PAG1: variants seen among roughly 807,000 people sequenced by gnomAD.
PAG1 encodes phosphoprotein associated with glycosphingolipid-enriched microdomains 1.
Under a neutral mutation model 31.7 loss-of-function variants are expected in PAG1, and 23 were observed. The observed-to-expected ratio is 0.73, with a 90% CI of 0.52 to 1.03. PAG1 has a LOEUF of 1.03. Among genes scored for constraint, PAG1 ranks in the 50% least tolerant of loss-of-function variants. The pLI is 0.00. For missense variants in PAG1, 473 were observed against 540.7 expected (o/e 0.87, Z 1.24); for synonymous variants, 214 against 210.3 (o/e 1.02, Z -0.15).
At chr8:81,076,174 C>T (rs1426067912) in intron 1 of PAG1, among the ~76,000 whole-genome samples, 6 of 152,226 alleles carry the variant, frequency 3.9e-5, no homozygotes, top group Admixed American at 3.9e-4. Flanking sequence ...TTTCCCACAC[C>T]AAGGCAGATC....
chr8:81,025,978 G>A (rs1480489010), intron 3 of PAG1, among the ~76,000 whole-genome samples: 1 of 152,154 alleles, frequency 6.6e-6, no homozygotes, highest in African/African-American at 2.4e-5. Flanking sequence ...AGACACCCGT[G>A]TTTAGACGCA....
chr8:81,020,538 G>A (rs570524994), intron 3 of PAG1, among the ~76,000 whole-genome samples: 19 of 152,192 alleles, frequency 1.2e-4, no homozygotes, highest in South Asian at 6.2e-4. Flanking sequence ...CTTGCCTGCC[G>A]CCATGTAAGA....
intron 1 of PAG1, among the ~76,000 whole-genome samples, chr8:81,070,372 G>A (rs2130965666): frequency 6.6e-6 from 1 of 152,212 alleles, no homozygotes; most frequent in East Asian, 1.9e-4. Flanking sequence ...GCTAAAACCT[G>A]CTCTTAAAAC....
chr8:80,994,901 T>C (rs1807639202), intron 3 of PAG1, among the ~76,000 whole-genome samples: 1 of 152,262 alleles, frequency 6.6e-6, no homozygotes, highest in Non-Finnish European at 1.5e-5. Context: ...TTTGGTTTTT[T>C]GATAATAGTG....
rs374172092 is a variant in PAG1, at chr8:81,081,906, G to T, written c.-233-11736C>A. Among the ~76,000 whole-genome samples, 9 of 152,308 alleles carry T rather than the reference G, an allele frequency of 5.9e-5. 2 individuals are homozygous for T. Among genetic ancestry groups the T allele is most frequent in the Admixed American group, 3.3e-4 (5 of 15,298 alleles). On this transcript the variant is annotated intron_variant, in intron 1 of 8. Transcript: ENST00000220597. ...AGCATTAATACACAGGTTTTTGTGA[G>T]AATGTGACTTTATTTCTCTGGGATT...
chr8:81,103,014 G>T (rs974414431), intron 1 of PAG1, among the ~76,000 whole-genome samples: 7 of 152,078 alleles, frequency 4.6e-5, no homozygotes, highest in African/African-American at 1.4e-4. Context: ...TGCAATTGCT[G>T]AAAAATAAAT....
At chr8:81,033,157 A>G (rs1403675678) in intron 2 of PAG1, among the ~76,000 whole-genome samples, 1 of 152,340 alleles carries the variant, frequency 6.6e-6, no homozygotes, top group Admixed American at 6.5e-5. Context: ...CTTATGAAAA[A>G]TAATATTCCA....
chr8:81,009,140 T>C (rs1807937162), intron 3 of PAG1, among the ~76,000 whole-genome samples: 1 of 152,220 alleles, frequency 6.6e-6, no homozygotes, highest in African/African-American at 2.4e-5. Context: ...TCTTTAATTA[T>C]AGCAATTATC....
intron 1 of PAG1, among the ~76,000 whole-genome samples, chr8:81,097,061 C>G (rs191191009): frequency 2.7e-3 from 412 of 152,342 alleles, no homozygotes; most frequent in African/African-American, 9.7e-3. Flanking sequence ...TCATTACCTA[C>G]AACAGACAGG....
intron 2 of PAG1, among the ~76,000 whole-genome samples, chr8:81,057,922 A>T (rs1808854519): frequency 6.6e-6 from 1 of 152,204 alleles, no homozygotes; most frequent in South Asian, 2.1e-4. Flanking sequence ...ACATATCAAT[A>T]ACAAAAGCAA....
At chr8:81,101,195 C>A (rs1809605407) in intron 1 of PAG1, among the ~76,000 whole-genome samples, 1 of 152,192 alleles carries the variant, frequency 6.6e-6, no homozygotes, top group Non-Finnish European at 1.5e-5. Flanking sequence ...AGCCCCAAGA[C>A]TAAAAAGCTG....
chr8:81,097,710 TA>T (rs35355222), intron 1 of PAG1, among the ~76,000 whole-genome samples: 70,328 of 145,158 alleles, frequency 0.48, 16,876 homozygotes, highest in East Asian at 0.74. Context: ...TTAAGAACTT[TA>T]AAAAAAAAAA....
chr8:80,967,921 C>G lies in PAG1; in HGVS notation c.*8623G>C, dbSNP rs1482954090. 1 of 152,140 alleles carries G rather than the reference C, an allele frequency of 6.6e-6. No individual in the cohort carries two copies. Among genetic ancestry groups the G allele is most frequent in the Admixed American group, 6.5e-5 (1 of 15,276 alleles). The allele number at this position is 152,140 out of a possible 1,614,324, so 9.4% of individuals were successfully genotyped here. A position where few individuals can be genotyped will look rare whatever the true frequency, so the allele number is the denominator to read the frequency against. On this transcript the variant is annotated 3_prime_UTR_variant, in exon 9 of 9. Transcript: ENST00000220597. ...CATGTAATCATACTTTTATATATAGCTTGAATAAGTTTTATTACATGTAAA... is the reference window on the plus strand; with the variant it reads ...CATGTAATCATACTTTTATATATAGGTTGAATAAGTTTTATTACATGTAAA...
At chr8:81,060,828 A>G (rs1426119715) in intron 2 of PAG1, among the ~76,000 whole-genome samples, 1 of 152,216 alleles carries the variant, frequency 6.6e-6, no homozygotes, top group African/African-American at 2.4e-5. Context: ...CTGAGATTCA[A>G]AAGCTGTTTT....
chr8:80,976,198 G>T lies in PAG1; in HGVS notation c.*346C>A. The T allele has an allele frequency of 5.0e-6, 1 of 201,338 alleles. No individual in the cohort carries two copies. The highest frequency in any genetic ancestry group is 9.9e-6 in the Non-Finnish European group (1 of 101,022). The allele number at this position is 201,338 out of a possible 1,614,324, so 12.5% of individuals were successfully genotyped here. ...GGCAGTACTTTAGGCCGGGGGCATT[G>T]TGGTCCTTGGTGAGTGCAGCTTTTC... On this transcript the variant is annotated 3_prime_UTR_variant, in exon 9 of 9. Coordinates refer to ENST00000220597, the MANE Select transcript of PAG1 (RefSeq NM_018440.4).
intron 1 of PAG1, among the ~76,000 whole-genome samples, chr8:81,097,644 AT>A (rs1376192416): frequency 1.3e-5 from 2 of 152,056 alleles, no homozygotes; most frequent in African/African-American, 2.4e-5. Flanking sequence ...CAATGATTCA[AT>A]TTCATACTGA....
chr8:80,998,128 CTTTTTT>C (rs3065523), intron 3 of PAG1, among the ~76,000 whole-genome samples: 4 of 112,774 alleles, frequency 3.5e-5, no homozygotes, highest in Admixed American at 9.1e-5. Context: ...AGCAGGTGTC[CTTTTTT>C]TTTTTTTTTT....
At chr8:80,980,025 G>A (rs1312670067) in intron 8 of PAG1, among the ~76,000 whole-genome samples, 1 of 151,558 alleles carries the variant, frequency 6.6e-6, no homozygotes, top group East Asian at 2.0e-4. Flanking sequence ...TCCTCTTTCT[G>A]TCTCCCAGGC....
chr8:81,102,382 CA>C (rs1363758761), intron 1 of PAG1, among the ~76,000 whole-genome samples: 9 of 152,006 alleles, frequency 5.9e-5, no homozygotes, highest in African/African-American at 2.2e-4. Flanking sequence ...AGCAATCCAC[CA>C]AATGTCACAA....
Sources: gnomAD v4.1 joint callset for allele counts (sites outside exome capture counted in the v4.1 genomes callset) on GRCh38, gnomAD v4.1.1 for gene constraint, MANE v1.5 for transcripts, NCBI Gene and HGNC (gene_info 2026-07-23, HGNC 2026-07-21) for gene names.